DMD: variants seen among roughly 807,000 people sequenced by gnomAD.
DMD encodes mutant dystrophin.
A neutral mutation model predicts 330.1 loss-of-function variants in DMD; 63 were observed. The observed-to-expected ratio is 0.19, with a 90% CI of 0.16 to 0.24. The LOEUF is 0.24. Among genes scored for constraint, DMD ranks in the 10% least tolerant of loss-of-function variants. The probability of loss-of-function intolerance (pLI) is 1.00; values close to 1 mark genes in which losing one functional copy is unlikely to be tolerated. For synonymous variants in DMD, 1,223 were observed against 959.8 expected (o/e 1.27, Z -5.07); for missense variants, 3,344 against 2,684.1 (o/e 1.25, Z -5.43).
rs1333912554 is a variant in DMD at position 31,779,689 on chromosome X, GT to G, written c.7310-5498del. Reference sequence around the variant, plus strand: ...GTAGACAGATAGATACACACATTGTGTGTGTGTGTGTGTGTGTGTGTGTGTG... The same window carrying G: ...GTAGACAGATAGATACACACATTGTGGTGTGTGTGTGTGTGTGTGTGTGTG... On this transcript the variant is annotated intron_variant, in intron 50 of 78. Transcript: ENST00000357033. 3.7e-5 allele frequency among the ~76,000 whole-genome samples: 3 copies of G among 80,663 alleles called. 1 individual carries two copies. The East Asian group carries it at 1.3e-3, about 34-fold the overall frequency. 70.0% of individuals were successfully genotyped at this position (80,663 alleles called of 115,157 possible).
intron 49 of DMD, among the ~76,000 whole-genome samples, chrX:31,822,159 A>C (rs2092776086): frequency 1.8e-5 from 2 of 112,088 alleles, no homozygotes; most frequent in Admixed American, 9.5e-5. Flanking sequence ...TAATGATTTC[A>C]ACAAGACACC....
At chrX:31,612,108 G>A (rs1300533469) in intron 55 of DMD, among the ~76,000 whole-genome samples, 1 of 110,403 alleles carries the variant, frequency 9.1e-6, no homozygotes, top group East Asian at 2.8e-4. Flanking sequence ...TGAAACTCAG[G>A]TACTCATTAA....
At chrX:31,490,163 A>G (rs1603251072) in intron 57 of DMD, among the ~76,000 whole-genome samples, 1 of 112,535 alleles carries the variant, frequency 8.9e-6, no homozygotes, top group Middle Eastern at 4.6e-3. Flanking sequence ...ATAGATCAAA[A>G]AGACGTCTAT....
chrX:32,787,758 T>C (rs2075514377), intron 7 of DMD, among the ~76,000 whole-genome samples: 1 of 96,083 alleles, frequency 1.0e-5, no homozygotes, highest in Non-Finnish European at 2.0e-5. Flanking sequence ...CGGTTGACCA[T>C]GGGTAGCAGA....
At chrX:33,248,070 C>T (rs1411623708) in intron 1 of DMD, among the ~76,000 whole-genome samples, 1 of 111,034 alleles carries the variant, frequency 9.0e-6, no homozygotes, top group Non-Finnish European at 1.9e-5. Context: ...GAGATGGAGC[C>T]TCGCTCTGTG....
intron 4 of DMD, among the ~76,000 whole-genome samples, chrX:32,827,777 T>G (rs1323839213): frequency 9.2e-6 from 1 of 108,875 alleles, no homozygotes; most frequent in Admixed American, 9.9e-5. Flanking sequence ...TTCTCCTGCC[T>G]CAGCCTCCCA....
intron 8 of DMD, 38 bp from the exon 9 acceptor site, chrX:32,698,036 G>A: frequency 4.3e-6 from 5 of 1,163,892 alleles, no homozygotes; most frequent in Non-Finnish European, 5.8e-6. Context: ...TAGAGAGGAG[G>A]GGGAAAAACC....
intron 63 of DMD, among the ~76,000 whole-genome samples, chrX:31,232,455 C>G (rs773481913): frequency 9.0e-6 from 1 of 111,699 alleles, no homozygotes; most frequent in Non-Finnish European, 1.9e-5. Context: ...AGAAAATGAC[C>G]TGCTGGTAAC....
intron 30 of DMD, among the ~76,000 whole-genome samples, chrX:32,393,514 G>T (rs1055846814): frequency 8.9e-6 from 1 of 111,836 alleles, no homozygotes; most frequent in African/African-American, 3.2e-5. Context: ...CGATAACTAA[G>T]GAAATTCATA....
intron 21 of DMD, among the ~76,000 whole-genome samples, 162 bp downstream of exon 21, chrX:32,484,757 A>G (rs1272390050): frequency 8.9e-6 from 1 of 112,468 alleles, no homozygotes; most frequent in Non-Finnish European, 1.9e-5. Context: ...ATCTACAGAC[A>G]GCTTATCTGT....
chrX:32,053,889 T>C (rs1039074346), intron 44 of DMD, among the ~76,000 whole-genome samples: 3 of 111,054 alleles, frequency 2.7e-5, no homozygotes, highest in Admixed American at 9.6e-5. Flanking sequence ...GAAAGTAGGA[T>C]CTATACCTTA....
intron 9 of DMD, among the ~76,000 whole-genome samples, chrX:32,691,039 G>A (rs183800096): frequency 1.8e-5 from 2 of 110,768 alleles, no homozygotes; most frequent in African/African-American, 3.3e-5. Flanking sequence ...CTGTGAAAAG[G>A]CAATCTATGG....
At chrX:32,370,373 T>A (rs1200716805) in intron 34 of DMD, among the ~76,000 whole-genome samples, 3 of 110,960 alleles carry the variant, frequency 2.7e-5, no homozygotes, top group Non-Finnish European at 5.7e-5. Context: ...GGACATATTT[T>A]ACTATTAGGC....
At chrX:31,332,630 GCT>G (rs2057192135) in intron 61 of DMD, among the ~76,000 whole-genome samples, 1 of 111,395 alleles carries the variant, frequency 9.0e-6, no homozygotes, top group African/African-American at 3.3e-5. Context: ...CTTTTCTAAG[GCT>G]GATAATCCAT....
At chrX:32,483,818 T>TAAAA (rs1205302363) in intron 21 of DMD, among the ~76,000 whole-genome samples, 1 of 4,690 alleles carries the variant, frequency 2.1e-4, no homozygotes. Context: ...GACTCTGAAG[T>TAAAA]ACAAAAAAAA....
At position 32,138,658 on chromosome X, in the gene DMD, G is replaced by A. The variant is rs757562888; in HGVS notation, c.6438+78258C>T. 6.3e-4 allele frequency among the ~76,000 whole-genome samples: 71 copies of A among 112,041 alleles called. 1 individual carries two copies. The highest frequency in any genetic ancestry group is 1.1e-4 in the Non-Finnish European group (6 of 53,229). On this transcript the variant is annotated intron_variant, in intron 44 of 78. Coordinates refer to ENST00000357033, the MANE Select transcript of DMD (RefSeq NM_004006.3). ...AGATATTGCATACTAAGTGTGTGGT[G>A]GATGGTTGCCAAGACCTGCACAGAG...
intron 16 of DMD, among the ~76,000 whole-genome samples, chrX:32,563,705 C>T (rs781281328): frequency 9.0e-6 from 1 of 111,616 alleles, no homozygotes; most frequent in East Asian, 2.8e-4. Context: ...AGTAATATTT[C>T]GATGACATGT....
intron 1 of DMD, among the ~76,000 whole-genome samples, chrX:33,263,383 T>G (rs2148906416): frequency 1.8e-5 from 2 of 109,089 alleles, no homozygotes; most frequent in Non-Finnish European, 3.8e-5. Context: ...TTTATCAACA[T>G]GCATCATTTT....
In DMD at chrX:32,042,425, G is replaced by C. The variant is rs143397386; in HGVS notation, c.6439-73911C>G. On this transcript the variant is annotated intron_variant, in intron 44 of 78. Transcript: ENST00000357033. ...GAAGGAGAATGAGTGAGGAGGGAAG[G>C]GGGAAGAGCCCTTTATAAAACCATC... Among the ~76,000 whole-genome samples, 593 of 109,658 alleles carry C rather than the reference G, an allele frequency of 5.4e-3. 5 individuals carry two copies. Among genetic ancestry groups the C allele is most frequent in the African/African-American group, 0.019 (575 of 30,082 alleles).
Sources: gnomAD v4.1 joint callset for allele counts (sites outside exome capture counted in the v4.1 genomes callset) on GRCh38, gnomAD v4.1.1 for gene constraint, MANE v1.5 for transcripts, NCBI Gene and HGNC (gene_info 2026-07-23, HGNC 2026-07-21) for gene names.